Variants in DPYD observed in about 807,000 individuals in gnomAD.
DPYD encodes dihydropyrimidine dehydrogenase.
Under a neutral mutation model 116.2 loss-of-function variants are expected in DPYD, and 109 were observed. The ratio of observed to expected loss-of-function variants is 0.94; its 90% CI spans 0.80 to 1.10. DPYD has a LOEUF of 1.10. Among genes scored for constraint, DPYD ranks in the 50% least tolerant of loss-of-function variants. The pLI is 0.00. For missense variants in DPYD, 1,302 were observed against 1,254.5 expected, an observed-to-expected ratio of 1.04 and a Z score of -0.57; for synonymous variants, 440 against 432.0, an observed-to-expected ratio of 1.02 and a Z score of -0.23.
chr1:97,681,802 A>T (rs1221191268), intron 7 of DPYD, among the ~76,000 whole-genome samples: 1 of 152,202 alleles, frequency 6.6e-6, no homozygotes, highest in African/African-American at 2.4e-5. Flanking sequence ...CATAAAAGAA[A>T]ACACCAGGTC....
chr1:97,216,148 A>C (rs1204604164), intron 19 of DPYD, among the ~76,000 whole-genome samples: 1 of 152,192 alleles, frequency 6.6e-6, no homozygotes, highest in Non-Finnish European at 1.5e-5. Flanking sequence ...CAGTGAGATG[A>C]CTTCTAACTT....
chr1:97,464,426 C>T (rs1270273375), intron 13 of DPYD, among the ~76,000 whole-genome samples: 1 of 152,122 alleles, frequency 6.6e-6, no homozygotes, highest in African/African-American at 2.4e-5. Flanking sequence ...AAAATGCCTC[C>T]AGGGCATGTC....
intron 14 of DPYD, among the ~76,000 whole-genome samples, chr1:97,445,833 C>A (rs1676054192): frequency 6.7e-6 from 1 of 150,180 alleles, no homozygotes; most frequent in African/African-American, 2.5e-5. Flanking sequence ...TCAAGCAGTT[C>A]TCCTGCCTCA....
intron 6 of DPYD, among the ~76,000 whole-genome samples, chr1:97,693,839 A>T (rs1230686584): frequency 6.6e-6 from 1 of 152,200 alleles, no homozygotes; most frequent in Non-Finnish European, 1.5e-5. Flanking sequence ...TGTTAAGTAG[A>T]AGCACATGGA....
chr1:97,463,303 G>A (rs1194728089), intron 13 of DPYD, among the ~76,000 whole-genome samples: 2 of 152,128 alleles, frequency 1.3e-5, no homozygotes, highest in Non-Finnish European at 2.9e-5. Flanking sequence ...TTTATAAAGA[G>A]GAGTTTCCCT....
At chr1:97,551,576 A>C (rs919093928) in intron 11 of DPYD, among the ~76,000 whole-genome samples, 1 of 152,098 alleles carries the variant, frequency 6.6e-6, no homozygotes, top group African/African-American at 2.4e-5. Flanking sequence ...TAAGAAATTC[A>C]AAATTTTATC....
chr1:97,799,143 T>C (rs1667730172), intron 3 of DPYD, among the ~76,000 whole-genome samples: 1 of 151,962 alleles, frequency 6.6e-6, no homozygotes, highest in African/African-American at 2.4e-5. Context: ...CTGACTTCTT[T>C]AGGCCAAGCT....
intron 19 of DPYD, among the ~76,000 whole-genome samples, chr1:97,206,474 C>G (rs1255379185): frequency 6.6e-6 from 1 of 150,928 alleles, no homozygotes; most frequent in Non-Finnish European, 1.5e-5. Context: ...TCAGAAATTA[C>G]AGGCCTTGAT....
chr1:97,467,290 C>G (rs1557732353), intron 13 of DPYD, among the ~76,000 whole-genome samples: 1 of 152,088 alleles, frequency 6.6e-6, no homozygotes. Flanking sequence ...AAAGTCAAAC[C>G]CAAGAGCCAG....
intron 10 of DPYD, among the ~76,000 whole-genome samples, chr1:97,580,420 G>C (rs569986500): frequency 6.6e-6 from 1 of 152,288 alleles, no homozygotes; most frequent in African/African-American, 2.4e-5. Flanking sequence ...GAAACATTCA[G>C]AGCCATGTGG....
intron 8 of DPYD, among the ~76,000 whole-genome samples, chr1:97,666,622 A>T (rs1439108403): frequency 6.6e-6 from 1 of 152,202 alleles, no homozygotes; most frequent in Non-Finnish European, 1.5e-5. Flanking sequence ...AAAATAACAC[A>T]AGCATGGTAT....
intron 20 of DPYD, among the ~76,000 whole-genome samples, chr1:97,148,869 T>C (rs758560978): frequency 6.6e-5 from 10 of 152,238 alleles, no homozygotes; most frequent in Non-Finnish European, 1.2e-4. Context: ...TCTTGTATTA[T>C]AGCTATTTAG....
At chr1:97,578,568 A>G (rs1380152110) in intron 10 of DPYD, among the ~76,000 whole-genome samples, 1 of 152,220 alleles carries the variant, frequency 6.6e-6, no homozygotes, top group African/African-American at 2.4e-5. Context: ...CTTATCTGAA[A>G]TTAGGATCTG....
chr1:97,581,655 AGG>A (rs2102212410), intron 10 of DPYD, among the ~76,000 whole-genome samples: 1 of 146,782 alleles, frequency 6.8e-6, no homozygotes, highest in Non-Finnish European at 1.5e-5. Flanking sequence ...CTGAGGTGGG[AGG>A]ATCTGTAGAG....
intron 11 of DPYD, among the ~76,000 whole-genome samples, chr1:97,572,793 G>A (rs1242858015): frequency 6.6e-6 from 1 of 151,896 alleles, no homozygotes; most frequent in Non-Finnish European, 1.5e-5. Context: ...GATGTTTGAT[G>A]CCCTGCAGAT....
chr1:97,169,546 T>C (rs1338213579), intron 20 of DPYD, among the ~76,000 whole-genome samples: 1 of 151,186 alleles, frequency 6.6e-6, no homozygotes, highest in Non-Finnish European at 1.5e-5. Context: ...TTATTTTATT[T>C]TATTTTATTT....
chr1:97,855,801 A>G (rs1670810532), intron 2 of DPYD: 1 of 152,244 alleles, frequency 6.6e-6, no homozygotes. Flanking sequence ...CTGCTTTCAC[A>G]AGAAGCTGAA....
intron 3 of DPYD, among the ~76,000 whole-genome samples, chr1:97,752,128 A>C (rs1369816164): frequency 6.6e-6 from 1 of 152,020 alleles, no homozygotes; most frequent in African/African-American, 2.4e-5. Flanking sequence ...ATTATTATAG[A>C]GGATGAAATA....
In DPYD at chr1:97,169,939, A is replaced by T. The variant is rs530264368; in HGVS notation, c.2622+23130T>A. 6.6e-5 allele frequency among the ~76,000 whole-genome samples: 10 copies of T among 152,212 alleles called. 1 individual carries two copies. The South Asian group carries it at 2.1e-3, about 32-fold the overall frequency. ...ACTTCACCCCAACCATGGTATTTATACCTTGTGACACTCAATAAATAACTA... is the reference window on the plus strand; with the variant it reads ...ACTTCACCCCAACCATGGTATTTATTCCTTGTGACACTCAATAAATAACTA... On this transcript the variant is annotated intron_variant, in intron 20 of 22. Coordinates refer to ENST00000370192, the MANE Select transcript of DPYD (RefSeq NM_000110.4).
Sources: gnomAD v4.1 joint callset for allele counts (sites outside exome capture counted in the v4.1 genomes callset) on GRCh38, gnomAD v4.1.1 for gene constraint, MANE v1.5 for transcripts, NCBI Gene and HGNC (gene_info 2026-07-23, HGNC 2026-07-21) for gene names.